Variants in KCNQ5 observed in about 807,000 individuals in gnomAD.
KCNQ5 encodes potassium voltage-gated channel subfamily KQT member 5.
A neutral mutation model predicts 98.2 loss-of-function variants in KCNQ5; 30 were observed. The observed-to-expected ratio is 0.31, with a 90% CI of 0.23 to 0.41. The LOEUF is 0.41. KCNQ5 is among the 10% of genes least tolerant of loss of function. KCNQ5 has a pLI of 1.00. For missense variants in KCNQ5, 835 were observed against 1,182.5 expected, an observed-to-expected ratio of 0.71 and a Z score of 4.31; for synonymous variants, 458 against 449.4, an observed-to-expected ratio of 1.02 and a Z score of -0.24.
At chr6:73,192,927 A>G (rs1416414046) in intron 13 of KCNQ5, among the ~76,000 whole-genome samples, 1 of 151,960 alleles carries the variant, frequency 6.6e-6, no homozygotes, top group Non-Finnish European at 1.5e-5. Flanking sequence ...ACAACTATAG[A>G]TTTCCAATAG....
chr6:73,125,407 G>A, intron 9 of KCNQ5: 1 of 518,064 alleles, frequency 1.9e-6, no homozygotes, highest in Non-Finnish European at 3.9e-6. Flanking sequence ...GAGTGGCAGA[G>A]GCAGAACCAG....
intron 5 of KCNQ5, among the ~76,000 whole-genome samples, chr6:73,093,788 A>G (rs1215508653): frequency 6.6e-6 from 1 of 151,822 alleles, no homozygotes; most frequent in Non-Finnish European, 1.5e-5. Flanking sequence ...TATAATTTCA[A>G]TTTTCTTAAA....
At chr6:73,093,504 CTGTT>C (rs1331437527) in intron 5 of KCNQ5, among the ~76,000 whole-genome samples, 1 of 151,958 alleles carries the variant, frequency 6.6e-6, no homozygotes. Context: ...CTTAGATTGT[CTGTT>C]TGTGCTCTTT....
chr6:72,785,116 T>C (rs553658311), intron 1 of KCNQ5, among the ~76,000 whole-genome samples: 1 of 152,322 alleles, frequency 6.6e-6, no homozygotes, highest in African/African-American at 2.4e-5. Flanking sequence ...TCATTTAGCA[T>C]CTCATGAAGT....
chr6:72,711,706 G>A (rs770753194), intron 1 of KCNQ5, among the ~76,000 whole-genome samples: 18 of 152,146 alleles, frequency 1.2e-4, no homozygotes, highest in Non-Finnish European at 2.2e-4. Flanking sequence ...GATAAATTAC[G>A]CTAGATTTGG....
intron 1 of KCNQ5, among the ~76,000 whole-genome samples, chr6:72,897,684 G>A (rs924053530): frequency 3.0e-4 from 46 of 152,102 alleles, no homozygotes; most frequent in Non-Finnish European, 8.8e-5. Context: ...AAGAAATAGC[G>A]AAAGAAAAGG....
intron 1 of KCNQ5, among the ~76,000 whole-genome samples, chr6:72,952,054 GA>G (rs770401280): frequency 6.6e-6 from 1 of 152,092 alleles, no homozygotes; most frequent in African/African-American, 2.4e-5. Flanking sequence ...TGCATTTGGG[GA>G]AAAAAATGGC....
intron 1 of KCNQ5, among the ~76,000 whole-genome samples, chr6:72,965,062 C>A (rs897449171): frequency 6.6e-6 from 1 of 152,156 alleles, no homozygotes; most frequent in Non-Finnish European, 1.5e-5. Context: ...ATCCTCCCAC[C>A]TCGGCCTCGA....
intron 1 of KCNQ5, among the ~76,000 whole-genome samples, chr6:72,801,090 A>G (rs1338715770): frequency 6.6e-6 from 1 of 152,118 alleles, no homozygotes; most frequent in Non-Finnish European, 1.5e-5. Flanking sequence ...TGCTGAAAAA[A>G]ATGTATATTC....
In KCNQ5 at chr6:73,120,464, C is replaced by G. The variant is rs1242639693; in HGVS notation, c.1126-19C>G. The stretch of plus-strand genomic sequence containing the variant: ...GCTCTCTTTTTTCTTTTTCATGTCC[C>G]CATCTATGCCACATGCAGTGTGTTT... On this transcript the variant is annotated intron_variant, in intron 7 of 13. Transcript: ENST00000370398. 2.6e-6 allele frequency: 4 copies of G among 1,560,928 alleles called. No individual in the cohort carries two copies. Among genetic ancestry groups the G allele is most frequent in the African/African-American group, 1.4e-5 (1 of 73,840 alleles).
chr6:72,815,869 A>C (rs983381260), intron 1 of KCNQ5, among the ~76,000 whole-genome samples: 2 of 152,188 alleles, frequency 1.3e-5, no homozygotes, highest in East Asian at 3.9e-4. Context: ...GAAAGATGAC[A>C]AGTTTAACTT....
intron 1 of KCNQ5, among the ~76,000 whole-genome samples, chr6:72,922,810 C>CTTTTTCTTTTTTTTTTTTTTTTTTTTT (rs1554186016): frequency 3.9e-5 from 4 of 103,832 alleles, no homozygotes; most frequent in Non-Finnish European, 5.8e-5. Context: ...TTTTCTTTTT[C>CTTTTTCTTTTTTTTTTTTTTTTTTTTT]TTTTTTTTTT....
chr6:73,160,761 T>C (rs906627216), intron 10 of KCNQ5, among the ~76,000 whole-genome samples: 1 of 152,190 alleles, frequency 6.6e-6, no homozygotes, highest in Non-Finnish European at 1.5e-5. Flanking sequence ...CTACAACCAG[T>C]GGTCTTTGCC....
chr6:72,683,468 C>T (rs376760685), intron 1 of KCNQ5, among the ~76,000 whole-genome samples: 7 of 150,574 alleles, frequency 4.6e-5, no homozygotes, highest in Admixed American at 1.3e-4. Flanking sequence ...CCCGGGTTCA[C>T]GCCATTCTCC....
intron 12 of KCNQ5, 124 bp downstream of exon 12, chr6:73,190,828 G>T: frequency 1.8e-6 from 1 of 544,678 alleles, no homozygotes; most frequent in Non-Finnish European, 3.0e-6. Context: ...TGGGCAAATG[G>T]AATTTGCTTT....
At chr6:72,912,317 C>G (rs146195499) in intron 1 of KCNQ5, among the ~76,000 whole-genome samples, 2 of 152,106 alleles carry the variant, frequency 1.3e-5, no homozygotes, top group Admixed American at 6.5e-5. Flanking sequence ...TAGTAAGCAT[C>G]GATGGATTAG....
Position 72,818,055 on chromosome 6 carries a change from T to C in KCNQ5, c.399-185853T>C, listed in dbSNP as rs546653931. Among the ~76,000 whole-genome samples, 275 of 152,282 alleles carry C rather than the reference T, an allele frequency of 1.8e-3. 2 individuals carry two copies. Among genetic ancestry groups the C allele is most frequent in the African/African-American group, 6.1e-3 (255 of 41,574 alleles). Reference sequence around the variant, plus strand: ...ATGTAACACTATGAAAGATTTTATATTGATCAGTTAATTTTTTAAAAAATC... The same window carrying C: ...ATGTAACACTATGAAAGATTTTATACTGATCAGTTAATTTTTTAAAAAATC... On this transcript the variant is annotated intron_variant, in intron 1 of 13. Transcript: ENST00000370398.
chr6:72,897,385 CA>C (rs1178151829), intron 1 of KCNQ5, among the ~76,000 whole-genome samples: 1 of 151,800 alleles, frequency 6.6e-6, no homozygotes, highest in Non-Finnish European at 1.5e-5. Context: ...ACTAAAAGTA[CA>C]AAAAAATTAG....
intron 5 of KCNQ5, among the ~76,000 whole-genome samples, chr6:73,096,181 T>C (rs1178805083): frequency 6.6e-6 from 1 of 152,082 alleles, no homozygotes; most frequent in East Asian, 1.9e-4. Context: ...GGGAGAAAGA[T>C]GTAGGCTGGG....
Sources: gnomAD v4.1 joint callset for allele counts (sites outside exome capture counted in the v4.1 genomes callset) on GRCh38, gnomAD v4.1.1 for gene constraint, MANE v1.5 for transcripts, NCBI Gene and HGNC (gene_info 2026-07-23, HGNC 2026-07-21) for gene names.